PEAR1: variants seen among roughly 807,000 people sequenced by gnomAD.
PEAR1 encodes platelet endothelial aggregation receptor 1, also known as multiple EGF-like domains protein 12.
Under a neutral mutation model 131.2 loss-of-function variants are expected in PEAR1, and 113 were observed. The ratio of observed to expected loss-of-function variants is 0.86; its 90% CI spans 0.74 to 1.01. The LOEUF is 1.01. PEAR1 is among the 50% of genes least tolerant of loss of function. PEAR1 has a pLI of 0.00. For synonymous variants in PEAR1, 565 were observed against 523.3 expected (o/e 1.08, Z -1.09); for missense variants, 1,408 against 1,391.1 (o/e 1.01, Z -0.19).
In PEAR1 at chr1:156,908,121, T is replaced by A; in HGVS notation, c.903-7T>A. 1 of 1,595,780 alleles carries A rather than the reference T, an allele frequency of 6.3e-7. No homozygotes were observed. Among genetic ancestry groups the A allele is most frequent in the Non-Finnish European group, 8.5e-7 (1 of 1,171,402 alleles). ...GCGCCGCCAGGCTCACTCAGCTAGGTGCCCAGGTGCCGGGAGGAGTGCCCG... is the reference window on the plus strand; with the variant it reads ...GCGCCGCCAGGCTCACTCAGCTAGGAGCCCAGGTGCCGGGAGGAGTGCCCG... On this transcript the variant is annotated splice_region_variant and splice_polypyrimidine_tract_variant and intron_variant, in intron 8 of 22. Coordinates refer to ENST00000292357, the MANE Select transcript of PEAR1 (RefSeq NM_001080471.3). The surrounding 1 kb of genome is among the most constrained non-coding windows in gnomAD (Gnocchi z 4.2).
rs1649820278 is a variant in PEAR1 at position 156,902,799 on chromosome 1, T to C, written c.-9-1119T>C. 6.6e-6 allele frequency among the ~76,000 whole-genome samples: 1 copy of C among 152,116 alleles called. No individual in the cohort carries two copies. The highest frequency in any genetic ancestry group is 2.4e-5 in the African/African-American group (1 of 41,408). ...TGAAGCCGGCTGCGGGGATGGGCAC[T>C]GCGGTAACTCATCCTCTCCTGAGCT... is the stretch of plus-strand genomic sequence containing the variant. On this transcript the variant is annotated intron_variant, in intron 1 of 22. Transcript: ENST00000292357. This position sits in a 1 kb window ranked among gnomAD's most constrained non-coding sequence, Gnocchi z 4.3.
At position 156,909,782 on chromosome 1, in the gene PEAR1, C is replaced by A; in HGVS notation, c.1443C>A (p.Cys481Ter). The A allele has an allele frequency of 6.2e-7, 1 of 1,613,476 alleles. No individual in the cohort carries two copies. Among genetic ancestry groups the A allele is most frequent in the Non-Finnish European group, 8.5e-7 (1 of 1,179,582 alleles). ...GWQRGNCSVP[C>*]PPGTWGFSCN... is the part of the protein sequence containing the mutation. ...AGCGTGGTAACTGCTCTGTGCCCTG[C>A]CCACCCGGAACCTGGGGCTTCAGTT... The change falls in exon 12 of 23, where the codon TGC becomes TGA. Residue 481 changes from cysteine to a stop codon, truncating the protein, a stop_gained. Transcript: ENST00000292357. LOFTEE classifies it high-confidence loss of function.
chr1:156,914,913 A>C lies in PEAR1; in HGVS notation c.*115A>C. On this transcript the variant is annotated 3_prime_UTR_variant, in exon 23 of 23. Coordinates refer to ENST00000292357, the MANE Select transcript of PEAR1 (RefSeq NM_001080471.3). ...GGGAGTGGACCGGCAGGCTGTGAAC[A>C]TGAACAACGCTTAACAGAGCAAGTG... 1 of 1,205,622 alleles carries C rather than the reference A, an allele frequency of 8.3e-7. No homozygotes were observed. The highest frequency in any genetic ancestry group is 1.2e-6 in the Non-Finnish European group (1 of 867,530). 74.7% of individuals were successfully genotyped at this position (1,205,622 alleles called of 1,614,324 possible).
Position 156,909,794 on chromosome 1 carries a change from C to T in PEAR1, c.1455C>T (p.Thr485=), listed in dbSNP as rs771801971. 8.7e-6 allele frequency: 14 copies of T among 1,613,870 alleles called. No individual in the cohort carries two copies. In the African/African-American group the frequency reaches 1.6e-4, roughly 18 times the overall value. The part of the protein sequence containing the change: ...GNCSVPCPPG[T]WGFSCNASCQ... ...GCTCTGTGCCCTGCCCACCCGGAACCTGGGGCTTCAGTTGCAATGCCAGCT... is the reference window on the plus strand; with the variant it reads ...GCTCTGTGCCCTGCCCACCCGGAACTTGGGGCTTCAGTTGCAATGCCAGCT... Residue 485 remains threonine, a synonymous_variant, in exon 12 of 23, where the codon ACC becomes ACT. Transcript: ENST00000292357.
chr1:156,912,852 G>A lies in PEAR1; in HGVS notation c.2292G>A (p.Leu764=). 6.2e-7 allele frequency: 1 copy of A among 1,614,232 alleles called. No individual in the cohort carries two copies. Among genetic ancestry groups the A allele is most frequent in the Admixed American group, 1.7e-5 (1 of 60,032 alleles). ...SLGAVIGIAV[L]GSLVVALVAL... ...GTGCAGTGATTGGCATTGCAGTGCT[G>A]GGGTCCCTTGTGGTAGCCCTGGTGG... The change falls in exon 18 of 23, where the codon CTG becomes CTA. Residue 764 remains leucine (L), a synonymous_variant. Transcript: ENST00000292357.
intron 3 of PEAR1, 110 bp from the exon 4 acceptor site, chr1:156,905,214 C>T (rs1194034267): frequency 1.3e-5 from 16 of 1,221,418 alleles, no homozygotes; most frequent in African/African-American, 3.0e-5. Flanking sequence ...TTTCTATGCG[C>T]CCTCAGCCCA....
chr1:156,908,178 C>T lies in PEAR1; in HGVS notation c.953C>T (p.Thr318Met), dbSNP rs1650583613. ...VGRFGQDCAE[T>M]CDCAPDARCF... ...CGCTTTGGGCAGGACTGTGCTGAGACGTGCGACTGCGCCCCGGACGCCCGT... is the reference window on the plus strand; with the variant it reads ...CGCTTTGGGCAGGACTGTGCTGAGATGTGCGACTGCGCCCCGGACGCCCGT... The change falls in exon 9 of 23, where the codon ACG becomes ATG. Residue 318 changes from threonine to methionine, a missense_variant. Physicochemically the swap from Thr to Met is moderately conservative, Grantham distance 81. Coordinates refer to ENST00000292357, the MANE Select transcript of PEAR1 (RefSeq NM_001080471.3). The surrounding 1 kb of genome is among the most constrained non-coding windows in gnomAD (Gnocchi z 4.2). 1.2e-6 allele frequency: 2 copies of T among 1,603,438 alleles called. No homozygotes were observed. The highest frequency in any genetic ancestry group is 1.1e-5 in the South Asian group (1 of 90,516).
chr1:156,907,527 G>T (rs1479052990), intron 6 of PEAR1, 83 bp from the exon 7 acceptor site: 3 of 1,538,206 alleles, frequency 2.0e-6, no homozygotes, highest in Non-Finnish European at 1.8e-6. Context: ...CTGAGGTGGG[G>T]GTTGTGGGGG....
chr1:156,911,037 T>TTTC (rs1651014108), intron 15 of PEAR1, among the ~76,000 whole-genome samples: 1 of 113,274 alleles, frequency 8.8e-6, no homozygotes, highest in South Asian at 3.4e-4. Flanking sequence ...CTTGATTTCT[T>TTTC]TTTCTTTCTT....
rs551893668 is a variant in PEAR1, at chr1:156,913,533, G to T, written c.2644+10G>T. ...GGGCCTCTGGACAGGGGTAGGTGCC[G>T]GGAGGCCAGGGTCTCTGGCGCGGGT... On this transcript the variant is annotated intron_variant, in intron 20 of 22. Transcript: ENST00000292357. The T allele has an allele frequency of 1.9e-6, 3 of 1,611,452 alleles. No individual in the cohort carries two copies. The highest frequency in any genetic ancestry group is 2.5e-6 in the Non-Finnish European group (3 of 1,179,760).
intron 1 of PEAR1, among the ~76,000 whole-genome samples, chr1:156,894,652 G>A (rs1386100657): frequency 1.3e-5 from 2 of 152,156 alleles, no homozygotes; most frequent in African/African-American, 4.8e-5. Context: ...AGGAGCCCAG[G>A]CCCCAGCAAG....
chr1:156,913,016 T>C (rs759556448), intron 18 of PEAR1, 34 bp downstream of exon 18: 2 of 1,609,904 alleles, frequency 1.2e-6, no homozygotes, highest in African/African-American at 1.3e-5. Flanking sequence ...CACAGATGAG[T>C]GGCTGGCTCA....
At position 156,913,779 on chromosome 1, in the gene PEAR1, C is replaced by T; in HGVS notation, c.2713+19C>T. Reference sequence around the variant, plus strand: ...AATAAAGGTATGGGCACAGGGGCAACAAGGGAGGTGGCTGAGCTGGGGCTG... The same window carrying T: ...AATAAAGGTATGGGCACAGGGGCAATAAGGGAGGTGGCTGAGCTGGGGCTG... On this transcript the variant is annotated intron_variant, in intron 21 of 22. Transcript: ENST00000292357. 6.2e-7 allele frequency: 1 copy of T among 1,613,052 alleles called. No homozygotes were observed. Among genetic ancestry groups the T allele is most frequent in the Non-Finnish European group, 8.5e-7 (1 of 1,179,368 alleles).
intron 1 of PEAR1, among the ~76,000 whole-genome samples, chr1:156,903,259 C>G (rs546056519): frequency 3.3e-5 from 5 of 152,270 alleles, no homozygotes; most frequent in African/African-American, 1.2e-4. Context: ...AAACCCCTGA[C>G]AGCGTTTCAT....
At position 156,914,678 on chromosome 1, in the gene PEAR1, G is replaced by T; in HGVS notation, c.2994G>T (p.Leu998=). ...DRDSVGSQPP[L]PPGLPPGHYD... ...ACTCTGTGGGCTCCCAGCCCCCTCT[G>T]CCTCCGGGCCTACCCCCCGGCCACT... is the stretch of plus-strand genomic sequence containing the variant. Residue 998 remains leucine (L), a synonymous_variant, in exon 23 of 23, where the codon CTG becomes CTT. Coordinates refer to ENST00000292357, the MANE Select transcript of PEAR1 (RefSeq NM_001080471.3). The T allele has an allele frequency of 6.2e-7, 1 of 1,612,912 alleles. No individual in the cohort carries two copies. Among genetic ancestry groups the T allele is most frequent in the Non-Finnish European group, 8.5e-7 (1 of 1,179,440 alleles).
Position 156,912,597 on chromosome 1 carries a change from G to T in PEAR1, c.2184G>T (p.Gly728=). The change falls in exon 17 of 23, where the codon GGG becomes GGT. Residue 728 remains glycine, a synonymous_variant. Transcript: ENST00000292357. ...PETGACVCPP[G]HSGAPCRIGI... is the part of the protein sequence containing the mutation. Reference sequence around the variant, plus strand: ...CTGGGGCCTGTGTATGTCCCCCAGGGCACAGTGGTGCACCTTGCAGGATTG... The same window carrying T: ...CTGGGGCCTGTGTATGTCCCCCAGGTCACAGTGGTGCACCTTGCAGGATTG... The T allele has an allele frequency of 6.2e-7, 1 of 1,613,748 alleles. No homozygotes were observed. Among genetic ancestry groups the T allele is most frequent in the East Asian group, 2.2e-5 (1 of 44,890 alleles).
Position 156,909,877 on chromosome 1 carries a change from CT to C in PEAR1, c.1539del (p.Trp515GlyfsTer170). 1.9e-6 allele frequency: 3 copies of C among 1,610,780 alleles called. No homozygotes were observed. Among genetic ancestry groups the C allele is most frequent in the South Asian group, 1.1e-5 (1 of 90,922 alleles). ...CAAACTGGAGCCTGTACCTGCACCC[CT>C]GGGTGGCATGGGGCCCACTGCCAGC... ...SPQTGACTCT[P>X]GWHGAHCQLP... On this transcript the variant is annotated frameshift_variant, in exon 12 of 23. Coordinates refer to ENST00000292357, the MANE Select transcript of PEAR1 (RefSeq NM_001080471.3). LOFTEE classifies it high-confidence loss of function.
intron 1 of PEAR1, among the ~76,000 whole-genome samples, chr1:156,901,628 C>T (rs1231325299): frequency 6.6e-6 from 1 of 152,220 alleles, no homozygotes; most frequent in Admixed American, 6.5e-5. Context: ...ATGAGCCTGG[C>T]TTCAGACAGA....
intron 22 of PEAR1, among the ~76,000 whole-genome samples, 195 bp from the exon 23 acceptor site, chr1:156,914,452 G>A (rs948866354): frequency 6.6e-6 from 1 of 152,184 alleles, no homozygotes; most frequent in South Asian, 2.1e-4. Context: ...TTTCTCCATT[G>A]GCAGCTGAGA....
Sources: gnomAD v4.1 joint callset for allele counts (sites outside exome capture counted in the v4.1 genomes callset) on GRCh38, gnomAD v4.1.1 for gene constraint, Gnocchi (gnomAD v3.1) non-coding constraint, MANE v1.5 for transcripts, NCBI Gene and HGNC (gene_info 2026-07-23, HGNC 2026-07-21) for gene names.